Variants in BRMS1L observed in about 807,000 individuals in gnomAD.
The protein encoded by BRMS1L is BRMS1 like transcriptional repressor.
Under a neutral mutation model 50.3 loss-of-function variants are expected in BRMS1L, and 23 were observed. The observed-to-expected ratio is 0.46, with a 90% confidence interval of 0.33 to 0.65. BRMS1L has a LOEUF of 0.65. Among genes scored for constraint, BRMS1L ranks in the 30% least tolerant of loss-of-function variants. The pLI is 0.02. For synonymous variants in BRMS1L, 114 were observed against 126.9 expected (o/e 0.90, Z 0.69); for missense variants, 286 against 386.1 (o/e 0.74, Z 2.17).
At chr14:35,845,692 C>T (rs951251396) in intron 4 of BRMS1L, among the ~76,000 whole-genome samples, 11 of 152,164 alleles carry the variant, frequency 7.2e-5, no homozygotes, top group Non-Finnish European at 1.5e-4. Flanking sequence ...TTTAAGAGTG[C>T]AGTAGTTCCG....
At chr14:35,856,299 G>A (rs2078278754) in intron 4 of BRMS1L, among the ~76,000 whole-genome samples, 1 of 152,158 alleles carries the variant, frequency 6.6e-6, no homozygotes, top group African/African-American at 2.4e-5. Context: ...CAGACACTAA[G>A]ACAGGTGGAG....
intron 5 of BRMS1L, among the ~76,000 whole-genome samples, chr14:35,863,632 T>C (rs1465083689): frequency 6.6e-6 from 1 of 152,220 alleles, no homozygotes; most frequent in African/African-American, 2.4e-5. Context: ...CATGACAATA[T>C]GGTAATCAGT....
At position 35,848,393 on chromosome 14, in the gene BRMS1L, G is replaced by C. The variant is rs543589948; in HGVS notation, c.441+13470G>C. Among the ~76,000 whole-genome samples, 105 of 152,026 alleles carry C rather than the reference G, an allele frequency of 6.9e-4. No individual in the cohort carries two copies. In the Middle Eastern group the frequency reaches 0.01, roughly 15 times the overall value. On this transcript the variant is annotated intron_variant, in intron 4 of 9. Transcript: ENST00000216807. Reference sequence around the variant, plus strand: ...GGAGTCTTTCTCTGTTGCTATGTGAGTCTTTCTGTGTTGCTCAGGCTGGCC... The same window carrying C: ...GGAGTCTTTCTCTGTTGCTATGTGACTCTTTCTGTGTTGCTCAGGCTGGCC...
At position 35,832,983 on chromosome 14, in the gene BRMS1L, A is replaced by G; in HGVS notation, c.239A>G (p.Tyr80Cys). ...KQFTDLKDQL[Y>C]KERLSQVDAK... is the part of the protein sequence containing the mutation. ...TTAATTTTTGCTTTGTTAAGACTTT[A>G]TAAAGAACGATTAAGTCAGGTGGAT... is the stretch of plus-strand genomic sequence containing the variant. Residue 80 changes from tyrosine to cysteine, a missense_variant, in exon 3 of 10, where the codon TAT (tyrosine) becomes TGT (cysteine). Transcript: ENST00000216807. 1.2e-6 allele frequency: 2 copies of G among 1,608,920 alleles called. No homozygotes were observed. The highest frequency in any genetic ancestry group is 1.7e-6 in the Non-Finnish European group (2 of 1,177,306).
At chr14:35,826,692 G>T in intron 1 of BRMS1L, 34 bp downstream of exon 1, 2 of 1,601,814 alleles carry the variant, frequency 1.2e-6, no homozygotes, top group Non-Finnish European at 1.7e-6. Flanking sequence ...CTGAGTCCCC[G>T]CGCCCAGCGC....
chr14:35,841,585 C>T (rs891362082), intron 4 of BRMS1L, among the ~76,000 whole-genome samples: 4 of 152,154 alleles, frequency 2.6e-5, no homozygotes, highest in African/African-American at 4.8e-5. Context: ...GCGTAAGCCA[C>T]CGTGCCTGGG....
chr14:35,861,674 G>A (rs1416317751), intron 4 of BRMS1L, among the ~76,000 whole-genome samples: 10 of 152,136 alleles, frequency 6.6e-5, no homozygotes, highest in African/African-American at 2.2e-4. Flanking sequence ...AACCCTTCAA[G>A]CATGTATAAT....
chr14:35,847,905 A>G (rs951208215), intron 4 of BRMS1L, among the ~76,000 whole-genome samples: 1 of 152,222 alleles, frequency 6.6e-6, no homozygotes, highest in Non-Finnish European at 1.5e-5. Flanking sequence ...AAGGCTGAAT[A>G]ATATTCTATT....
intron 4 of BRMS1L, among the ~76,000 whole-genome samples, chr14:35,839,935 C>T (rs2078041539): frequency 6.6e-6 from 1 of 152,146 alleles, no homozygotes; most frequent in Non-Finnish European, 1.5e-5. Context: ...AGAGGACATC[C>T]TTGTCTTGTG....
rs529460163 is a variant in BRMS1L at position 35,848,349 on chromosome 14, T to A, written c.441+13426T>A. 4.5e-4 allele frequency among the ~76,000 whole-genome samples: 69 copies of A among 152,224 alleles called. 1 individual carries two copies. In the South Asian group the frequency reaches 0.014, roughly 32 times the overall value. ...CAATACATTATTATTATTATTAGTT[T>A]TTTTTATTTTTAGAGATGGGAGTCT... On this transcript the variant is annotated intron_variant, in intron 4 of 9. Coordinates refer to ENST00000216807, the MANE Select transcript of BRMS1L (RefSeq NM_032352.4).
At chr14:35,848,765 G>A (rs1362203396) in intron 4 of BRMS1L, among the ~76,000 whole-genome samples, 1 of 152,100 alleles carries the variant, frequency 6.6e-6, no homozygotes, top group African/African-American at 2.4e-5. Context: ...GTTCATTCAT[G>A]TTGTCGCAAG....
At chr14:35,837,032 CTATCTGT>C (rs2078003687) in intron 4 of BRMS1L, among the ~76,000 whole-genome samples, 1 of 145,232 alleles carries the variant, frequency 6.9e-6, no homozygotes, top group Non-Finnish European at 1.5e-5. Flanking sequence ...CATGATTTGG[CTATCTGT>C]TTGTCAGGAG....
Position 35,826,595 on chromosome 14 carries a change from G to A in BRMS1L, c.79G>A (p.Gly27Arg), listed in dbSNP as rs1335395725. The A allele has an allele frequency of 4.3e-6, 7 of 1,611,638 alleles. No individual in the cohort carries two copies. The highest frequency in any genetic ancestry group is 2.7e-5 in the African/African-American group (2 of 74,908). ...EMEVDYAENE[G>R]SSSEDEDTES... is the part of the protein sequence containing the mutation. The stretch of plus-strand genomic sequence containing the variant: ...GGAGGTGGACTACGCCGAAAATGAG[G>A]GGAGCAGCTCCGAGGACGAGGACAC... The change falls in exon 1 of 10, where the codon GGG becomes AGG. Residue 27 changes from glycine to arginine, a missense_variant. Coordinates refer to ENST00000216807, the MANE Select transcript of BRMS1L (RefSeq NM_032352.4).
At chr14:35,854,938 A>G (rs889813737) in intron 4 of BRMS1L, among the ~76,000 whole-genome samples, 1 of 152,260 alleles carries the variant, frequency 6.6e-6, no homozygotes, top group Non-Finnish European at 1.5e-5. Flanking sequence ...CATAGAGGTC[A>G]TGCTTGAGAG....
chr14:35,834,726 CTT>C, intron 3 of BRMS1L, 116 bp from the exon 4 acceptor site: 1 of 560,254 alleles, frequency 1.8e-6, no homozygotes, highest in Non-Finnish European at 2.7e-6. Context: ...GTTAGACTCA[CTT>C]TTCAATTTTT....
rs2078234994 is a variant in BRMS1L, at chr14:35,853,155, G to A, written c.442-9435G>A. Among the ~76,000 whole-genome samples, 3 of 151,980 alleles carry A rather than the reference G, an allele frequency of 2.0e-5. No homozygotes were observed. In the South Asian group the frequency reaches 6.2e-4, roughly 31 times the overall value. ...AAAACATTAAAAAGGGATTTAAAAA[G>A]TCTATTTTGTCTGATAATTAAAACG... On this transcript the variant is annotated intron_variant, in intron 4 of 9. Coordinates refer to ENST00000216807, the MANE Select transcript of BRMS1L (RefSeq NM_032352.4).
intron 3 of BRMS1L, among the ~76,000 whole-genome samples, chr14:35,833,770 G>T (rs2077956765): frequency 6.6e-6 from 1 of 152,024 alleles, no homozygotes; most frequent in African/African-American, 2.4e-5. Context: ...TGGAGATGCT[G>T]GTTGTTTTTC....
chr14:35,837,776 A>G (rs572058518), intron 4 of BRMS1L, among the ~76,000 whole-genome samples: 1 of 152,206 alleles, frequency 6.6e-6, no homozygotes, highest in African/African-American at 2.4e-5. Flanking sequence ...GCTGCTGTCG[A>G]ACTCCTGACC....
rs2077916844 is a variant in BRMS1L at position 35,831,405 on chromosome 14, A to G, written c.143-5A>G. The G allele has an allele frequency of 2.5e-6, 4 of 1,606,100 alleles. No individual in the cohort carries two copies. The East Asian group carries it at 6.7e-5, about 27-fold the overall frequency. On this transcript the variant is annotated splice_polypyrimidine_tract_variant and splice_region_variant and intron_variant, in intron 1 of 9. Transcript: ENST00000216807. ...TATCTTTTATATTTGCCTTTTTATT[A>G]ACAGAAATGGATGATGAAGACTGTG...
Sources: allele counts gnomAD v4.1 joint callset (sites outside exome capture counted in the v4.1 genomes callset), GRCh38; gene constraint gnomAD v4.1.1; transcripts MANE v1.5; gene names NCBI Gene and HGNC (gene_info 2026-07-23, HGNC 2026-07-21).